The following PCLO variants were observed in gnomAD, a reference collection of about 807,000 sequenced individuals.
PCLO encodes piccolo presynaptic cytomatrix protein, also known as protein piccolo.
In PCLO, 82 loss-of-function variants were observed where a neutral mutation model predicts 427.5. The ratio of observed to expected loss-of-function variants is 0.19; its 90% CI spans 0.16 to 0.23. The LOEUF (loss-of-function observed/expected upper bound fraction) is 0.23. Among genes scored for constraint, PCLO ranks in the 10% least tolerant of loss-of-function variants. PCLO has a pLI of 1.00. For synonymous variants in PCLO, 2,357 were observed against 2,155.4 expected (o/e 1.09, Z -2.59); for missense variants, 6,239 against 6,115.9 (o/e 1.02, Z -0.67).
At chr7:83,050,712 C>G (rs1224897228) in intron 3 of PCLO, among the ~76,000 whole-genome samples, 7 of 149,734 alleles carry the variant, frequency 4.7e-5, no homozygotes, top group Non-Finnish European at 7.4e-5. Context: ...AACAGCCTGG[C>G]CAACAGGGTA....
chr7:83,134,473 T>C lies in PCLO; in HGVS notation c.3077A>G (p.Lys1026Arg), dbSNP rs1484719912. The C allele has an allele frequency of 6.2e-7, 1 of 1,613,162 alleles. No individual in the cohort carries two copies. The highest frequency in any genetic ancestry group is 1.1e-5 in the South Asian group (1 of 91,002). The change falls in exon 3 of 25, where the codon AAG (lysine) becomes AGG (arginine). Residue 1026 changes from lysine to arginine, a missense_variant. This residue lies in a region of PCLO where 4,677 missense variants were observed against 4,468.4 expected (regional missense o/e 1.05). Transcript: ENST00000333891. ...PTVKRTETEK[K>R]PPPIKDSKSL... ...TTTGCTATCCTTAATAGGTGGTGGC[T>C]TTTTTTCTGTTTCTGTTCTTTTTAC...
At chr7:83,145,713 A>G (rs1410606284) in intron 2 of PCLO, among the ~76,000 whole-genome samples, 1 of 152,192 alleles carries the variant, frequency 6.6e-6, no homozygotes, top group South Asian at 2.1e-4. Flanking sequence ...CTGAATGTTT[A>G]CCTACAATTT....
Position 82,999,651 on chromosome 7 carries a change from ATAT to A in PCLO, c.3301-33167_3301-33165del, listed in dbSNP as rs1330517785. On this transcript the variant is annotated intron_variant, in intron 3 of 24. Coordinates refer to ENST00000333891, the MANE Select transcript of PCLO (RefSeq NM_033026.6). ...ATATTATATTAAAATATAAAATATA[ATAT>A]TATATATAAAATATAAAATATATTA... Among the ~76,000 whole-genome samples the A allele has an allele frequency of 1.7e-4, 10 of 57,166 alleles. 4 individuals carry two copies. In the East Asian group the frequency reaches 7.7e-3, roughly 44 times the overall value. The allele number at this position is 57,166 out of a possible 152,430, so 37.5% of individuals were successfully genotyped here.
intron 3 of PCLO, among the ~76,000 whole-genome samples, chr7:83,027,885 G>A (rs1295336945): frequency 4.0e-5 from 5 of 123,980 alleles, no homozygotes; most frequent in Admixed American, 8.4e-5. Flanking sequence ...ATGCAGAAAA[G>A]GCCTTTGACA....
At chr7:82,790,964 G>T (rs1055983192) in intron 22 of PCLO, among the ~76,000 whole-genome samples, 1 of 152,048 alleles carries the variant, frequency 6.6e-6, no homozygotes, top group African/African-American at 2.4e-5. Flanking sequence ...TTTCAGTTTC[G>T]CAATTATGTT....
chr7:83,114,751 G>C (rs906695836), intron 3 of PCLO, among the ~76,000 whole-genome samples: 1 of 151,984 alleles, frequency 6.6e-6, no homozygotes, highest in Non-Finnish European at 1.5e-5. Flanking sequence ...GTCTTTAAAT[G>C]GTATACAATG....
chr7:82,875,266 C>T (rs1793341965), intron 10 of PCLO, among the ~76,000 whole-genome samples: 1 of 152,008 alleles, frequency 6.6e-6, no homozygotes, highest in African/African-American at 2.4e-5. Context: ...AGTTCTTGAA[C>T]TGCATTTTTT....
intron 10 of PCLO, among the ~76,000 whole-genome samples, chr7:82,867,084 G>A (rs948302846): frequency 6.6e-6 from 1 of 152,082 alleles, no homozygotes; most frequent in African/African-American, 2.4e-5. Context: ...TTAAAAGGAA[G>A]ACAAACATCA....
chr7:82,866,833 T>C (rs1793106895), intron 10 of PCLO, among the ~76,000 whole-genome samples: 1 of 152,096 alleles, frequency 6.6e-6, no homozygotes, highest in Admixed American at 6.6e-5. Flanking sequence ...TTAATTAAAA[T>C]AAATGAGAAC....
rs747048873 is a variant in PCLO, at chr7:82,951,166, C to G, written c.9422G>C (p.Arg3141Thr). The change falls in exon 6 of 25, where the codon AGA (arginine) becomes ACA (threonine). Residue 3141 changes from arginine to threonine, a missense_variant. By Grantham distance (71) the Arg-to-Thr change is moderately conservative. Around this residue, in one of 5 missense-constraint regions of PCLO, gnomAD observed 4,677 missense variants for 4,468.4 expected, o/e 1.05. Transcript: ENST00000333891. ...PAMHHSQPMPRSYFITTGASE... is the reference protein window; with the variant it reads ...PAMHHSQPMPTSYFITTGASE... ...TGCACCTGTTGTTATAAAATATGAT[C>G]TAGGCATTGGCTGGCTATGGTGCAT... The G allele has an allele frequency of 1.2e-6, 2 of 1,613,696 alleles. No homozygotes were observed. Among genetic ancestry groups the G allele is most frequent in the Non-Finnish European group, 1.7e-6 (2 of 1,179,724 alleles).
chr7:82,928,541 C>T (rs550304228), intron 6 of PCLO, among the ~76,000 whole-genome samples: 10 of 152,164 alleles, frequency 6.6e-5, no homozygotes, highest in African/African-American at 2.2e-4. Context: ...CTACCACGCT[C>T]GGCTAATTTT....
intron 6 of PCLO, among the ~76,000 whole-genome samples, chr7:82,948,572 T>C (rs1034559104): frequency 6.6e-6 from 1 of 152,126 alleles, no homozygotes; most frequent in Non-Finnish European, 1.5e-5. Context: ...AGAAGTCTTG[T>C]TCTAAATTGA....
Position 82,823,358 on chromosome 7 carries a change from G to T in PCLO, c.14597-669C>A, listed in dbSNP as rs537802629. 5.9e-5 allele frequency among the ~76,000 whole-genome samples: 9 copies of T among 152,252 alleles called. No individual in the cohort carries two copies. In the South Asian group the frequency reaches 1.7e-3, roughly 28 times the overall value. ...AGAACACTTGCATTTATGATTCAGA[G>T]AATCTCATGTACAAAGAACCACTTT... On this transcript the variant is annotated intron_variant, in intron 19 of 24. Coordinates refer to ENST00000333891, the MANE Select transcript of PCLO (RefSeq NM_033026.6).
chr7:82,843,876 G>A (rs1410827130), intron 13 of PCLO, among the ~76,000 whole-genome samples: 2 of 151,850 alleles, frequency 1.3e-5, no homozygotes, highest in East Asian at 3.9e-4. Flanking sequence ...GTGTTGGTTA[G>A]GGTGGTCTCG....
intron 3 of PCLO, among the ~76,000 whole-genome samples, chr7:83,047,757 G>A (rs1789138058): frequency 6.6e-6 from 1 of 151,924 alleles, no homozygotes; most frequent in African/African-American, 2.4e-5. Flanking sequence ...TGAAAATAAT[G>A]GAAATTAAAG....
chr7:83,104,392 C>T (rs1006148448), intron 3 of PCLO, among the ~76,000 whole-genome samples: 2 of 151,886 alleles, frequency 1.3e-5, no homozygotes, highest in African/African-American at 2.4e-5. Flanking sequence ...GCAGAGAGTT[C>T]ACCTTCACTT....
Position 82,956,262 on chromosome 7 carries a change from C to G in PCLO, c.4691G>C (p.Ser1564Thr). 1 of 1,612,234 alleles carries G rather than the reference C, an allele frequency of 6.2e-7. No homozygotes were observed. Among genetic ancestry groups the G allele is most frequent in the Non-Finnish European group, 8.5e-7 (1 of 1,179,868 alleles). Residue 1564 changes from serine (S) to threonine (T), a missense_variant, in exon 5 of 25, where the codon AGT becomes ACT. This residue lies in a region of PCLO where 4,677 missense variants were observed against 4,468.4 expected (regional missense o/e 1.05). Coordinates refer to ENST00000333891, the MANE Select transcript of PCLO (RefSeq NM_033026.6). ...DFIRKQIIEMSADEDASGSED... is the reference protein window; with the variant it reads ...DFIRKQIIEMTADEDASGSED... ...AGAACCTGAAGCATCTTCATCAGCA[C>G]TCATTTCTATGATTTGTTTTCGAAT...
chr7:82,938,770 C>T (rs1015134943), intron 6 of PCLO, among the ~76,000 whole-genome samples: 33 of 152,022 alleles, frequency 2.2e-4, no homozygotes, highest in African/African-American at 7.9e-4. Context: ...AGATACTAAA[C>T]GTTATGTATG....
At position 82,896,666 on chromosome 7, in the gene PCLO, A is replaced by AAAT. The variant is rs770035525; in HGVS notation, c.13528+5982_13528+5984dup. On this transcript the variant is annotated intron_variant, in intron 9 of 24. Transcript: ENST00000333891. ...TAAGTTATATCCAAGAAAATTGTTA[A>AAAT]AATAATAATAATAATAATATAAAGA... 7.7e-4 allele frequency among the ~76,000 whole-genome samples: 110 copies of AAAT among 141,972 alleles called. 1 individual carries two copies. Among genetic ancestry groups the AAAT allele is most frequent in the Middle Eastern group, 3.6e-3 (1 of 278 alleles). The allele number at this position is 141,972 out of a possible 152,430, so 93.1% of individuals were successfully genotyped here.
Sources: gnomAD v4.1 joint callset for allele counts (sites outside exome capture counted in the v4.1 genomes callset) on GRCh38, gnomAD v4.1.1 for gene constraint, gnomAD v4.1.1 regional missense constraint, MANE v1.5 for transcripts, NCBI Gene and HGNC (gene_info 2026-07-23, HGNC 2026-07-21) for gene names.